The following NSUN2 variants were observed in gnomAD, a reference collection of about 807,000 sequenced individuals.
NSUN2 encodes the protein RNA cytosine C(5)-methyltransferase NSUN2.
A neutral mutation model predicts 92.7 loss-of-function variants in NSUN2; 63 were observed. The observed-to-expected ratio is 0.68, with a 90% CI of 0.56 to 0.84. The LOEUF (loss-of-function observed/expected upper bound fraction) is 0.84, where lower values mean the gene tolerates loss of function less well. Ranked by LOEUF, NSUN2 falls within the 40% of genes least tolerant of loss-of-function variation. The pLI is 0.00. For synonymous variants in NSUN2, 356 were observed against 348.3 expected (o/e 1.02, Z -0.25); for missense variants, 989 against 964.9 (o/e 1.02, Z -0.33).
In NSUN2 at chr5:6,625,602, C is replaced by G; in HGVS notation, c.427G>C (p.Glu143Gln). The part of the protein sequence containing the change: ...RKILRKSPHL[E>Q]KFHQFLVSET... ...CTAACTAGAAACTGATGAAACTTTT[C>G]CAAGTGTGGCGATTTTCTCAAGATT... The change falls in exon 4 of 19, where the codon GAA becomes CAA. Residue 143 changes from glutamate (E) to glutamine (Q), a missense_variant. By Grantham distance (29) the Glu-to-Gln change is conservative. Coordinates refer to ENST00000264670, the MANE Select transcript of NSUN2 (RefSeq NM_017755.6). 3 of 1,614,144 alleles carry G rather than the reference C, an allele frequency of 1.9e-6. No homozygotes were observed. The highest frequency in any genetic ancestry group is 2.5e-6 in the Non-Finnish European group (3 of 1,179,992).
chr5:6,609,014 C>G (rs888970102), intron 12 of NSUN2, among the ~76,000 whole-genome samples: 6 of 152,240 alleles, frequency 3.9e-5, no homozygotes, highest in African/African-American at 1.4e-4. Context: ...CTTTGCCCGT[C>G]TGAGGCTGTA....
intron 8 of NSUN2, 59 bp downstream of exon 8, chr5:6,617,891 A>G: frequency 7.3e-7 from 1 of 1,360,864 alleles, no homozygotes; most frequent in Non-Finnish European, 1.0e-6. Context: ...CTTGCATAAC[A>G]ATAAATCTCT....
intron 18 of NSUN2, among the ~76,000 whole-genome samples, chr5:6,600,730 C>G (rs1231948253): frequency 6.6e-6 from 1 of 152,006 alleles, no homozygotes; most frequent in African/African-American, 2.4e-5. Context: ...GCAGGGCTGC[C>G]AGAGCAGAAC....
rs371923584 is a variant in NSUN2, at chr5:6,602,447, G to T, written c.1997+14C>A. The stretch of plus-strand genomic sequence containing the variant: ...AGGCGTGTGTGTCTAAGGGCAGGGC[G>T]TGTACTGACTTACGCAGAATCTGGT... On this transcript the variant is annotated intron_variant, in intron 18 of 18. Coordinates refer to ENST00000264670, the MANE Select transcript of NSUN2 (RefSeq NM_017755.6). The T allele has an allele frequency of 6.2e-7, 1 of 1,612,600 alleles. No homozygotes were observed. Among genetic ancestry groups the T allele is most frequent in the Admixed American group, 1.7e-5 (1 of 59,998 alleles).
At chr5:6,619,184 G>A (rs759519780) in intron 7 of NSUN2, among the ~76,000 whole-genome samples, 1 of 152,156 alleles carries the variant, frequency 6.6e-6, no homozygotes, top group South Asian at 2.1e-4. Flanking sequence ...AAAAACTTTA[G>A]TTCATGATGT....
chr5:6,626,683 C>T (rs750226338), intron 3 of NSUN2, among the ~76,000 whole-genome samples: 3 of 152,220 alleles, frequency 2.0e-5, no homozygotes, highest in South Asian at 2.1e-4. Context: ...TGCACCTATA[C>T]AGGCATCTGC....
In NSUN2 at chr5:6,607,512, G is replaced by C; in HGVS notation, c.1324-128C>G. The C allele has an allele frequency of 3.8e-6, 3 of 788,478 alleles. No individual in the cohort carries two copies. The East Asian group carries it at 7.9e-5, about 21-fold the overall frequency. 48.8% of individuals were successfully genotyped at this position (788,478 alleles called of 1,614,324 possible). A position where few individuals can be genotyped will look rare whatever the true frequency, so the allele number is the denominator to read the frequency against. ...TTCTACAGCATTATATGTAGAGAAA[G>C]ACAACAGAATTTTTTTAAAGTGTCA... is the stretch of plus-strand genomic sequence containing the variant. On this transcript the variant is annotated intron_variant, in intron 12 of 18. Transcript: ENST00000264670.
In NSUN2 at chr5:6,623,293, A is replaced by C. The variant is rs757112639; in HGVS notation, c.466-8T>G. 7 of 573,690 alleles carry C rather than the reference A, an allele frequency of 1.2e-5. No homozygotes were observed. The highest frequency in any genetic ancestry group is 1.7e-5 in the Non-Finnish European group (7 of 411,596). 35.5% of individuals were successfully genotyped at this position (573,690 alleles called of 1,614,324 possible). On this transcript the variant is annotated splice_region_variant and splice_polypyrimidine_tract_variant and intron_variant, in intron 4 of 18. Transcript: ENST00000264670. ...TTGACGACTAATATTTCCCTTGAGGAAAAAAAAAAAATCAGCAACAATTAG... is the reference window on the plus strand; with the variant it reads ...TTGACGACTAATATTTCCCTTGAGGCAAAAAAAAAAATCAGCAACAATTAG...
In NSUN2 at chr5:6,604,169, G is replaced by A. The variant is rs1471536754; in HGVS notation, c.1926C>T (p.Ser642=). The A allele has an allele frequency of 6.2e-7, 1 of 1,613,964 alleles. No homozygotes were observed. Among genetic ancestry groups the A allele is most frequent in the South Asian group, 1.1e-5 (1 of 91,066 alleles). ...TQENPFFRKL[S]SETYSQAKDL... ...CCTTTGCTTGACTGTAGGTCTCACT[G>A]CTGAGTTTTCTAAAAAAGGGATTTT... Residue 642 remains serine (S), a synonymous_variant, in exon 17 of 19, where the codon AGC becomes AGT. Coordinates refer to ENST00000264670, the MANE Select transcript of NSUN2 (RefSeq NM_017755.6).
intron 7 of NSUN2, among the ~76,000 whole-genome samples, chr5:6,619,354 T>C (rs190994573): frequency 1.3e-4 from 20 of 152,364 alleles, no homozygotes; most frequent in African/African-American, 4.8e-4. Flanking sequence ...TGGTATCGTA[T>C]CTAAAGCTTG....
intron 6 of NSUN2, chr5:6,621,227 C>T (rs1737423043): frequency 6.6e-6 from 1 of 152,096 alleles, no homozygotes; most frequent in African/African-American, 2.4e-5. Context: ...CTGATTCGTC[C>T]CATTTCACAT....
chr5:6,619,848 CTGTTT>C lies in NSUN2; in HGVS notation c.815+253_815+257del, dbSNP rs61303923. On this transcript the variant is annotated intron_variant, in intron 7 of 18. Transcript: ENST00000264670. ...TCTATTTTCCTCTTACGTATTTTCT[CTGTTT>C]TGTTTTGTTTTCTCTTTATCTTTCT... 0.11 allele frequency among the ~76,000 whole-genome samples: 16,334 copies of C among 152,116 alleles called. 1,177 individuals carry two copies. The highest frequency in any genetic ancestry group is 0.21 in the African/African-American group (8,611 of 41,440).
Position 6,610,673 on chromosome 5 carries a change from G to T in NSUN2, c.1226+282C>A, listed in dbSNP as rs7731492. Among the ~76,000 whole-genome samples the T allele has an allele frequency of 0.57, 85,065 of 148,352 alleles. 25,416 individuals carry two copies. The highest frequency in any genetic ancestry group is 0.67 in the Non-Finnish European group (44,980 of 67,432). Reference sequence around the variant, plus strand: ...CACTCCAGCCTGGATGACAGAGTGAGACTCTCTCTCAAAAAAAAAAAAAAA... The same window carrying T: ...CACTCCAGCCTGGATGACAGAGTGATACTCTCTCTCAAAAAAAAAAAAAAA... On this transcript the variant is annotated intron_variant, in intron 11 of 18. Transcript: ENST00000264670.
chr5:6,617,085 C>CA (rs1182154758), intron 8 of NSUN2, among the ~76,000 whole-genome samples: 3 of 152,022 alleles, frequency 2.0e-5, no homozygotes, highest in Non-Finnish European at 4.4e-5. Flanking sequence ...TAACCTTTCC[C>CA]AATATGTCAA....
chr5:6,611,467 C>CAAAAAAAAAAAAAAAAAAAAAAA (rs1553997593), intron 10 of NSUN2, among the ~76,000 whole-genome samples: 38 of 64,840 alleles, frequency 5.9e-4, no homozygotes, highest in African/African-American at 1.3e-3. Context: ...AAAAAAAAAG[C>CAAAAAAAAAAAAAAAAAAAAAAA]AAAGCTACCC....
chr5:6,599,998 T>C lies in NSUN2; in HGVS notation c.2232A>G (p.Pro744=). 6.2e-7 allele frequency: 1 copy of C among 1,614,260 alleles called. No individual in the cohort carries two copies. Among genetic ancestry groups the C allele is most frequent in the Admixed American group, 1.7e-5 (1 of 60,038 alleles). ...EGQRAGEPNS[P]DAEEANSPDV... is the part of the protein sequence containing the mutation. ...CTGGACTGTTGGCCTCTTCTGCATC[T>C]GGGCTGTTGGGCTCTCCTGCTCTCT... The change falls in exon 19 of 19, where the codon CCA becomes CCG. Residue 744 remains proline, a synonymous_variant. Coordinates refer to ENST00000264670, the MANE Select transcript of NSUN2 (RefSeq NM_017755.6).
intron 11 of NSUN2, among the ~76,000 whole-genome samples, chr5:6,610,683 CAA>C (rs10718851): frequency 1.2e-3 from 159 of 127,350 alleles, no homozygotes; most frequent in Middle Eastern, 0.012. Context: ...GACTCTCTCT[CAA>C]AAAAAAAAAA....
chr5:6,604,666 T>C lies in NSUN2; in HGVS notation c.1757A>G (p.Lys586Arg). 1.2e-6 allele frequency: 2 copies of C among 1,613,742 alleles called. No homozygotes were observed. The highest frequency in any genetic ancestry group is 2.2e-5 in the East Asian group (1 of 44,834). The change falls in exon 16 of 19, where the codon AAA becomes AGA. Residue 586 changes from lysine to arginine, a missense_variant. Physicochemically the swap from Lys to Arg is conservative, Grantham distance 26. Coordinates refer to ENST00000264670, the MANE Select transcript of NSUN2 (RefSeq NM_017755.6). ...EKMKVINTGI[K>R]VWCRNNSGEE... ...ACCGCTGTTATTTCTACACCAGACTTTGATCCCCGTGTTAATAACCTGTAA... is the reference window on the plus strand; with the variant it reads ...ACCGCTGTTATTTCTACACCAGACTCTGATCCCCGTGTTAATAACCTGTAA...
At position 6,599,721 on chromosome 5, in the gene NSUN2, C is replaced by A. The variant is rs1310878416; in HGVS notation, c.*205G>T. 1 of 522,452 alleles carries A rather than the reference C, an allele frequency of 1.9e-6. No individual in the cohort carries two copies. Among genetic ancestry groups the A allele is most frequent in the Admixed American group, 3.5e-5 (1 of 28,866 alleles). The allele number at this position is 522,452 out of a possible 1,614,324, so 32.4% of individuals were successfully genotyped here. On this transcript the variant is annotated 3_prime_UTR_variant, in exon 19 of 19. Coordinates refer to ENST00000264670, the MANE Select transcript of NSUN2 (RefSeq NM_017755.6). ...ACAAAATAAAACAAGTGATTTCTAA[C>A]ACGCTAAAAGAGTACATTTTCATCA...
Sources: gnomAD v4.1 joint callset for allele counts (sites outside exome capture counted in the v4.1 genomes callset) on GRCh38, gnomAD v4.1.1 for gene constraint, MANE v1.5 for transcripts, NCBI Gene and HGNC (gene_info 2026-07-23, HGNC 2026-07-21) for gene names.